CALML4: variants seen among roughly 807,000 people sequenced by gnomAD.
CALML4 encodes the protein calmodulin like 4, also known as calmodulin-like protein 4.
Under a neutral mutation model 17.9 loss-of-function variants are expected in CALML4, and 16 were observed. The ratio of observed to expected loss-of-function variants is 0.89; its 90% CI spans 0.61 to 1.36. The LOEUF (loss-of-function observed/expected upper bound fraction) is 1.36, where lower values mean the gene tolerates loss of function less well. Ranked by LOEUF, CALML4 falls within the 40% of genes most tolerant of loss-of-function variation. The pLI is 0.00. For missense variants in CALML4, 203 were observed against 194.8 expected (o/e 1.04, Z -0.25); for synonymous variants, 86 against 71.5 (o/e 1.20, Z -1.02).
In CALML4 at chr15:68,199,888, T is replaced by C. The variant is rs948127635; in HGVS notation, c.35-207A>G. On this transcript the variant is annotated intron_variant, in intron 2 of 4. Transcript: ENST00000467889. ...GAATTCAGATAAACACTGAATATAC[T>C]TTTATTGTATGCCCCAAATTTTGCA... 6 of 441,900 alleles carry C rather than the reference T, an allele frequency of 1.4e-5. No homozygotes were observed. The East Asian group carries it at 2.2e-4, about 16-fold the overall frequency. 27.4% of individuals were successfully genotyped at this position (441,900 alleles called of 1,614,324 possible).
At position 68,205,216 on chromosome 15, in the gene CALML4, G is replaced by A. The variant is rs2093178766; in HGVS notation, c.3+29C>T. ...CCTGAGGTTCACGCCCCCAGCCCTG[G>A]CCAGGCCGACACAGACCCTCACACT... On this transcript the variant is annotated intron_variant, in intron 1 of 4. Coordinates refer to ENST00000467889, the MANE Select transcript of CALML4 (RefSeq NM_033429.3). This position sits in a 1 kb window ranked among gnomAD's most constrained non-coding sequence, Gnocchi z 4.8. The A allele has an allele frequency of 6.2e-7, 1 of 1,614,030 alleles. No individual in the cohort carries two copies. The highest frequency in any genetic ancestry group is 1.1e-5 in the South Asian group (1 of 91,086).
At chr15:68,196,764 A>AGGCAGGACAGCCTGCTAGGC (rs1370889561) in intron 4 of CALML4, among the ~76,000 whole-genome samples, 4 of 152,112 alleles carry the variant, frequency 2.6e-5, no homozygotes, top group Non-Finnish European at 4.4e-5. Context: ...TCCTGCTCTG[A>AGGCAGGACAGCCTGCTAGGC]GGCAGGACAG....
At chr15:68,199,752 A>G in intron 2 of CALML4, 71 bp from the exon 3 acceptor site, 1 of 1,514,446 alleles carries the variant, frequency 6.6e-7, no homozygotes, top group Non-Finnish European at 9.0e-7. Flanking sequence ...CCCCATCCTT[A>G]GTCTCTTCTC....
intron 4 of CALML4, among the ~76,000 whole-genome samples, chr15:68,194,404 A>T (rs1316073769): frequency 2.8e-5 from 4 of 144,818 alleles, no homozygotes; most frequent in East Asian, 2.0e-4. Flanking sequence ...TTTTTTTTTA[A>T]AACAGTTTCG....
chr15:68,205,315 G>T lies in CALML4; in HGVS notation c.-68C>A, dbSNP rs749808641. The stretch of plus-strand genomic sequence containing the variant: ...ACCGCGTTCAGTTCCCTTTCCTCCA[G>T]CCTCAAGTCTAAAGTCTGCCAAGCT... On this transcript the variant is annotated 5_prime_UTR_variant, in exon 1 of 5. In the 5' UTR this introduces an upstream ATG that the reference lacks. Transcript: ENST00000467889. This position sits in a 1 kb window ranked among gnomAD's most constrained non-coding sequence, Gnocchi z 4.8. The T allele has an allele frequency of 1.2e-6, 2 of 1,614,096 alleles. No individual in the cohort carries two copies. Among genetic ancestry groups the T allele is most frequent in the South Asian group, 2.2e-5 (2 of 91,082 alleles).
At chr15:68,196,476 C>T (rs1401517322) in intron 4 of CALML4, among the ~76,000 whole-genome samples, 1 of 152,184 alleles carries the variant, frequency 6.6e-6, no homozygotes. Context: ...ACGGAAAGTC[C>T]GTCATATTGA....
chr15:68,194,369 T>C (rs1423455949), intron 4 of CALML4, among the ~76,000 whole-genome samples: 2 of 149,264 alleles, frequency 1.3e-5, no homozygotes, highest in African/African-American at 4.9e-5. Flanking sequence ...ATTCGGTCAC[T>C]GATGCCACCG....
chr15:68,194,636 A>G (rs1283610875), intron 4 of CALML4, among the ~76,000 whole-genome samples: 3 of 152,100 alleles, frequency 2.0e-5, no homozygotes, highest in Non-Finnish European at 4.4e-5. Flanking sequence ...CATCCACCTC[A>G]GCCTCCCAAA....
chr15:68,195,891 T>C (rs752801202), intron 4 of CALML4, among the ~76,000 whole-genome samples: 116 of 152,182 alleles, frequency 7.6e-4, no homozygotes, highest in Non-Finnish European at 1.2e-3. Context: ...AAGAAGGCCC[T>C]GCTCCCTCTG....
At chr15:68,201,456 CT>C (rs1214573200) in intron 2 of CALML4, among the ~76,000 whole-genome samples, 1 of 152,208 alleles carries the variant, frequency 6.6e-6, no homozygotes, top group Non-Finnish European at 1.5e-5. Flanking sequence ...GGGGGTACCC[CT>C]GGGGACCTCT....
intron 4 of CALML4, among the ~76,000 whole-genome samples, chr15:68,195,691 A>G (rs981082481): frequency 2.0e-5 from 3 of 152,166 alleles, no homozygotes; most frequent in African/African-American, 4.8e-5. Flanking sequence ...TTGTCTTTCG[A>G]TCACCCAGAA....
chr15:68,203,225 C>T (rs1254155525), intron 2 of CALML4, among the ~76,000 whole-genome samples: 1 of 152,190 alleles, frequency 6.6e-6, no homozygotes, highest in African/African-American at 2.4e-5. Context: ...GCTGGGATTA[C>T]AGACGTGAGC....
At chr15:68,199,359 C>G (rs1172389261) in intron 3 of CALML4, among the ~76,000 whole-genome samples, 182 bp downstream of exon 3, 1 of 152,106 alleles carries the variant, frequency 6.6e-6, no homozygotes, top group African/African-American at 2.4e-5. Context: ...TCACTGGTTG[C>G]TATGAGGATT....
rs1175091657 is a variant in CALML4 at position 68,193,765 on chromosome 15, G to A, written c.*250C>T. 7.7e-6 allele frequency: 3 copies of A among 389,900 alleles called. No homozygotes were observed. The highest frequency in any genetic ancestry group is 1.4e-5 in the Non-Finnish European group (3 of 214,064). 24.2% of individuals were successfully genotyped at this position (389,900 alleles called of 1,614,324 possible). On this transcript the variant is annotated 3_prime_UTR_variant, in exon 5 of 5. Coordinates refer to ENST00000467889, the MANE Select transcript of CALML4 (RefSeq NM_033429.3). Reference sequence around the variant, plus strand: ...ACCCAGGCCAGACTCCAAACCGCAGGCTCCTTCCATGCTTGAAAGGGCCGG... The same window carrying A: ...ACCCAGGCCAGACTCCAAACCGCAGACTCCTTCCATGCTTGAAAGGGCCGG...
Position 68,197,260 on chromosome 15 carries a change from C to G in CALML4, c.364+180G>C, listed in dbSNP as rs902469967. Among the ~76,000 whole-genome samples, 3 of 152,174 alleles carry G rather than the reference C, an allele frequency of 2.0e-5. No individual in the cohort carries two copies. The highest frequency in any genetic ancestry group is 2.0e-4 in the Admixed American group (3 of 15,286). On this transcript the variant is annotated intron_variant, in intron 4 of 4. Coordinates refer to ENST00000467889, the MANE Select transcript of CALML4 (RefSeq NM_033429.3). The surrounding 1 kb of genome is among the most constrained non-coding windows in gnomAD (Gnocchi z 4.1). ...ACCTCCCTGCGCCCTTCCAGCCCCT[C>G]TAGTTCTTCCCCAGGCTCCAGTCCA...
intron 4 of CALML4, among the ~76,000 whole-genome samples, chr15:68,195,107 AAAT>A (rs1194479393): frequency 1.3e-5 from 2 of 151,922 alleles, no homozygotes; most frequent in African/African-American, 2.4e-5. Flanking sequence ...TCCTGGGATA[AAAT>A]AATAGCTTGT....
rs770429645 is a variant in CALML4, at chr15:68,197,547, A to ATTTC, written c.253_256dup (p.Ile86ArgfsTer40). ...GTCCACCATCAACATGGCTAGAAGA[A>ATTTC]TTTCTTTCTTTGGGTCTTCTTGTTT... On this transcript the variant is annotated frameshift_variant, in exon 4 of 5. Coordinates refer to ENST00000467889, the MANE Select transcript of CALML4 (RefSeq NM_033429.3). LOFTEE classifies it high-confidence loss of function. The surrounding 1 kb of genome is among the most constrained non-coding windows in gnomAD (Gnocchi z 4.1). 2.7e-5 allele frequency: 44 copies of ATTTC among 1,614,026 alleles called. No individual in the cohort carries two copies. Among genetic ancestry groups the ATTTC allele is most frequent in the Non-Finnish European group, 3.7e-5 (44 of 1,180,024 alleles).
chr15:68,199,196 C>T (rs1265274128), intron 3 of CALML4, among the ~76,000 whole-genome samples: 1 of 151,976 alleles, frequency 6.6e-6, no homozygotes, highest in African/African-American at 2.4e-5. Context: ...AGAATGCCTA[C>T]TTCATAGGGT....
chr15:68,201,454 C>T (rs975539141), intron 2 of CALML4, among the ~76,000 whole-genome samples: 1 of 152,184 alleles, frequency 6.6e-6, no homozygotes, highest in African/African-American at 2.4e-5. Context: ...CAGGGGGTAC[C>T]CCTGGGGACC....
Sources: gnomAD v4.1 joint callset for allele counts (sites outside exome capture counted in the v4.1 genomes callset) on GRCh38, gnomAD v4.1.1 for gene constraint, Gnocchi (gnomAD v3.1) non-coding constraint, MANE v1.5 for transcripts, NCBI Gene and HGNC (gene_info 2026-07-23, HGNC 2026-07-21) for gene names.